Variants in LPAR1 observed in about 807,000 individuals in gnomAD.
The protein encoded by LPAR1 is lysophosphatidic acid receptor 1, also known as LPA receptor 1.
Under a neutral mutation model 23.8 loss-of-function variants are expected in LPAR1, and 5 were observed. The ratio of observed to expected loss-of-function variants is 0.21; its 90% CI spans 0.11 to 0.44. The LOEUF (loss-of-function observed/expected upper bound fraction) is 0.44. Among genes scored for constraint, LPAR1 ranks in the 20% least tolerant of loss-of-function variants. LPAR1 has a pLI of 0.99. For synonymous variants in LPAR1, 160 were observed against 164.7 expected (o/e 0.97, Z 0.22); for missense variants, 311 against 482.8 (o/e 0.64, Z 3.33).
intron 5 of LPAR1, among the ~76,000 whole-genome samples, chr9:110,918,654 T>C (rs748737675): frequency 3.3e-5 from 5 of 151,912 alleles, no homozygotes; most frequent in Non-Finnish European, 7.4e-5. Flanking sequence ...GAAGGGGAAG[T>C]GAAGGAACAG....
chr9:110,873,712 A>G lies in LPAR1; in HGVS notation c.*1709T>C, dbSNP rs1216178007. 1 of 152,236 alleles carries G rather than the reference A, an allele frequency of 6.6e-6. No individual in the cohort carries two copies. Among genetic ancestry groups the G allele is most frequent in the Non-Finnish European group, 1.5e-5 (1 of 68,068 alleles). 9.4% of individuals were successfully genotyped at this position (152,236 alleles called of 1,614,324 possible). A position where few individuals can be genotyped will look rare whatever the true frequency, so the allele number is the denominator to read the frequency against. ...CCTATCGGGGTGATTCCTGGCGAAT[A>G]CACAGTAACCAACCACATACTGACA... On this transcript the variant is annotated 3_prime_UTR_variant, in exon 6 of 6. Coordinates refer to ENST00000683809, the MANE Select transcript of LPAR1 (RefSeq NM_001351411.2).
intron 2 of LPAR1, among the ~76,000 whole-genome samples, chr9:111,005,480 G>C (rs2097198888): frequency 6.8e-6 from 1 of 146,722 alleles, no homozygotes; most frequent in Admixed American, 7.0e-5. Flanking sequence ...CCCAGGAGGT[G>C]GAGGTTGCAG....
rs2078771166 is a variant in LPAR1 at position 110,874,973 on chromosome 9, A to T, written c.*448T>A. 1 of 153,332 alleles carries T rather than the reference A, an allele frequency of 6.5e-6. No individual in the cohort carries two copies. The highest frequency in any genetic ancestry group is 2.1e-4 in the South Asian group (1 of 4,864). The allele number at this position is 153,332 out of a possible 1,614,324, so 9.5% of individuals were successfully genotyped here. ...AAAGCAGTCCATAGTCTCATCCATC[A>T]CAAACATGCTGATAGGCATAAACGT... On this transcript the variant is annotated 3_prime_UTR_variant, in exon 6 of 6. Coordinates refer to ENST00000683809, the MANE Select transcript of LPAR1 (RefSeq NM_001351411.2).
intron 5 of LPAR1, among the ~76,000 whole-genome samples, chr9:110,931,421 G>A (rs922049178): frequency 6.6e-6 from 1 of 152,192 alleles, no homozygotes; most frequent in Non-Finnish European, 1.5e-5. Flanking sequence ...TTAACAGAGA[G>A]TCTAGAAGAC....
At chr9:111,016,322 A>T (rs1249702220) in intron 2 of LPAR1, among the ~76,000 whole-genome samples, 1 of 152,188 alleles carries the variant, frequency 6.6e-6, no homozygotes, top group Non-Finnish European at 1.5e-5. Flanking sequence ...CAATGAAAAC[A>T]GATCTTTAGC....
intron 5 of LPAR1, among the ~76,000 whole-genome samples, chr9:110,891,061 T>C (rs1403194811): frequency 6.6e-6 from 1 of 152,156 alleles, no homozygotes; most frequent in Non-Finnish European, 1.5e-5. Context: ...GACATTCTAG[T>C]CAATGAATTA....
At chr9:110,891,377 C>A (rs2084120920) in intron 5 of LPAR1, among the ~76,000 whole-genome samples, 1 of 152,024 alleles carries the variant, frequency 6.6e-6, no homozygotes, top group Non-Finnish European at 1.5e-5. Flanking sequence ...GGGGAAGATT[C>A]AATACTTTTA....
intron 5 of LPAR1, among the ~76,000 whole-genome samples, chr9:110,894,721 A>G (rs2085701017): frequency 6.6e-6 from 1 of 152,052 alleles, no homozygotes; most frequent in African/African-American, 2.4e-5. Context: ...TTTTGCTTAA[A>G]ATTAAAAATA....
chr9:110,920,550 T>C (rs1369297336), intron 5 of LPAR1, among the ~76,000 whole-genome samples: 1 of 152,158 alleles, frequency 6.6e-6, no homozygotes, highest in Non-Finnish European at 1.5e-5. Flanking sequence ...AGAATAACAA[T>C]CTTCTTTTCC....
chr9:110,966,514 G>C (rs1219843999), intron 4 of LPAR1, among the ~76,000 whole-genome samples: 4 of 151,512 alleles, frequency 2.6e-5, no homozygotes, highest in African/African-American at 9.7e-5. Flanking sequence ...TAGATGATGG[G>C]TTGATAGGTA....
intron 2 of LPAR1, among the ~76,000 whole-genome samples, chr9:111,007,968 G>A (rs1246561753): frequency 6.6e-6 from 1 of 152,156 alleles, no homozygotes; most frequent in Non-Finnish European, 1.5e-5. Context: ...GAGGTCAGGA[G>A]TTCAAGACCA....
At chr9:110,888,395 G>A (rs1225693218) in intron 5 of LPAR1, among the ~76,000 whole-genome samples, 7 of 152,002 alleles carry the variant, frequency 4.6e-5, no homozygotes, top group Non-Finnish European at 7.4e-5. Flanking sequence ...TCCAAACTTC[G>A]ACAGTTGTTT....
intron 5 of LPAR1, among the ~76,000 whole-genome samples, chr9:110,895,093 G>A (rs2085863251): frequency 6.6e-6 from 1 of 152,162 alleles, no homozygotes; most frequent in Admixed American, 6.5e-5. Context: ...ATTTGAAAAA[G>A]AATTTGAGGT....
At chr9:110,973,740 C>T (rs916079086) in intron 2 of LPAR1, among the ~76,000 whole-genome samples, 182 bp from the exon 3 acceptor site, 10 of 152,084 alleles carry the variant, frequency 6.6e-5, no homozygotes, top group Non-Finnish European at 1.5e-4. Context: ...GTGACTCTTT[C>T]CACATTGCAA....
At chr9:110,952,749 C>T (rs10980656) in intron 4 of LPAR1, among the ~76,000 whole-genome samples, 1,679 of 152,234 alleles carry the variant, frequency 0.011, 20 homozygotes, top group South Asian at 0.016. Flanking sequence ...ATTGCCACCC[C>T]CACCAAGCAT....
chr9:110,926,716 C>A (rs777407967), intron 5 of LPAR1, among the ~76,000 whole-genome samples: 1 of 151,934 alleles, frequency 6.6e-6, no homozygotes, highest in South Asian at 2.1e-4. Flanking sequence ...CCCTAACTCT[C>A]CTTTCCTTTC....
intron 2 of LPAR1, among the ~76,000 whole-genome samples, chr9:111,016,080 A>G (rs2140890481): frequency 6.6e-6 from 1 of 152,206 alleles, no homozygotes; most frequent in East Asian, 1.9e-4. Flanking sequence ...TTTTCCTGGA[A>G]TACCCTCCCT....
intron 2 of LPAR1, among the ~76,000 whole-genome samples, chr9:110,974,207 T>C (rs560284411): frequency 6.6e-6 from 1 of 152,314 alleles, no homozygotes; most frequent in East Asian, 1.9e-4. Context: ...GGAGCTTTTG[T>C]CTGTAAATAT....
chr9:110,899,019 C>G (rs910699783), intron 5 of LPAR1, among the ~76,000 whole-genome samples: 1 of 152,122 alleles, frequency 6.6e-6, no homozygotes, highest in Non-Finnish European at 1.5e-5. Context: ...GGACAAACAT[C>G]GGCTAATTCT....
Sources: allele counts gnomAD v4.1 joint callset (sites outside exome capture counted in the v4.1 genomes callset), GRCh38; gene constraint gnomAD v4.1.1; transcripts MANE v1.5; gene names NCBI Gene and HGNC (gene_info 2026-07-23, HGNC 2026-07-21).